YAP1: variants seen among roughly 807,000 people sequenced by gnomAD.
YAP1 encodes transcriptional coactivator YAP1.
Under a neutral mutation model 56.9 loss-of-function variants are expected in YAP1, and 5 were observed. The ratio of observed to expected loss-of-function variants is 0.09; its 90% CI spans 0.05 to 0.18. YAP1 has a LOEUF of 0.18. Among genes scored for constraint, YAP1 ranks in the 10% least tolerant of loss-of-function variants. YAP1 has a pLI of 1.00. For missense variants in YAP1, 539 were observed against 651.8 expected (o/e 0.83, Z 1.88); for synonymous variants, 265 against 248.1 (o/e 1.07, Z -0.64).
intron 4 of YAP1, among the ~76,000 whole-genome samples, chr11:102,198,229 C>T (rs772150591): frequency 7.9e-5 from 12 of 152,052 alleles, no homozygotes; most frequent in South Asian, 4.1e-4. Flanking sequence ...TTTCCTGTTC[C>T]GTGGTTTTGA....
At chr11:102,150,138 C>G (rs1449078599) in intron 2 of YAP1, among the ~76,000 whole-genome samples, 1 of 151,824 alleles carries the variant, frequency 6.6e-6, no homozygotes, top group Non-Finnish European at 1.5e-5. Flanking sequence ...GCATGTGCCA[C>G]CATGCCTGGC....
chr11:102,134,146 T>C (rs1047105520), intron 2 of YAP1, among the ~76,000 whole-genome samples: 28 of 152,196 alleles, frequency 1.8e-4, no homozygotes, highest in African/African-American at 6.8e-4. Flanking sequence ...AACACTGTTT[T>C]AACTGAAAAG....
At chr11:102,211,764 C>T (rs1007328717) in intron 6 of YAP1, among the ~76,000 whole-genome samples, 43 of 151,408 alleles carry the variant, frequency 2.8e-4, no homozygotes, top group Non-Finnish European at 5.0e-4. Context: ...AGTGCAGTGG[C>T]GCAATCTCAG....
At chr11:102,143,122 C>A (rs1945113588) in intron 2 of YAP1, among the ~76,000 whole-genome samples, 1 of 152,136 alleles carries the variant, frequency 6.6e-6, no homozygotes, top group Non-Finnish European at 1.5e-5. Flanking sequence ...CTCTCTGCAA[C>A]CATTAAAAGG....
intron 6 of YAP1, among the ~76,000 whole-genome samples, chr11:102,216,687 G>A (rs1037153238): frequency 6.6e-6 from 1 of 152,152 alleles, no homozygotes; most frequent in African/African-American, 2.4e-5. Context: ...TCTCTAAGAA[G>A]TTTTTGGATT....
At chr11:102,161,053 CTTTTTTTTTTTTTTTTTT>C (rs67023819) in intron 2 of YAP1, among the ~76,000 whole-genome samples, 1 of 75,492 alleles carries the variant, frequency 1.3e-5, no homozygotes, top group South Asian at 5.4e-4. Context: ...TAATTTCTTT[CTTTTTTTTTTTTTTTTTT>C]TTTTTTTGAG....
intron 2 of YAP1, among the ~76,000 whole-genome samples, chr11:102,136,877 C>A (rs1944705723): frequency 6.6e-6 from 1 of 152,170 alleles, no homozygotes; most frequent in Non-Finnish European, 1.5e-5. Flanking sequence ...GTGTCAGTAG[C>A]ACTGTCTTAA....
intron 2 of YAP1, among the ~76,000 whole-genome samples, chr11:102,161,357 C>T (rs1020252573): frequency 3.3e-5 from 5 of 150,808 alleles, no homozygotes; most frequent in East Asian, 1.9e-4. Context: ...CACACACACA[C>T]ACACACACAC....
Position 102,114,225 on chromosome 11 carries a change from G to A in YAP1, c.403G>A (p.Gly135Arg). ...AHSSPASLQL[G>R]AVSPGTLTPT... is the part of the protein sequence containing the mutation. ...TTCCTCTCCAGCTTCTCTGCAGTTG[G>A]GAGCTGTTTCTCCTGGGACACTGAC... Residue 135 changes from glycine (G) to arginine (R), a missense_variant, in exon 2 of 9, where the codon GGA (glycine) becomes AGA (arginine). Gly to Arg is a moderately radical substitution (Grantham distance 125, BLOSUM62 -2). Coordinates refer to ENST00000282441, the MANE Select transcript of YAP1 (RefSeq NM_001130145.3). 1 of 1,613,980 alleles carries A rather than the reference G, an allele frequency of 6.2e-7. No individual in the cohort carries two copies. The highest frequency in any genetic ancestry group is 2.2e-5 in the East Asian group (1 of 44,878).
At chr11:102,197,325 A>G (rs1948622171) in intron 4 of YAP1, among the ~76,000 whole-genome samples, 1 of 152,314 alleles carries the variant, frequency 6.6e-6, no homozygotes, top group East Asian at 1.9e-4. Flanking sequence ...AGAATCGTTT[A>G]TTATTGTAAA....
At chr11:102,187,510 A>G (rs1948037813) in intron 4 of YAP1, among the ~76,000 whole-genome samples, 1 of 152,224 alleles carries the variant, frequency 6.6e-6, no homozygotes, top group African/African-American at 2.4e-5. Flanking sequence ...TGGAACAATA[A>G]CAGCCATGTT....
intron 3 of YAP1, among the ~76,000 whole-genome samples, chr11:102,165,753 T>C (rs4420227): frequency 0.49 from 74,403 of 152,060 alleles, 18,675 homozygotes; most frequent in East Asian, 0.63. Context: ...CTTCACTGTA[T>C]GTTAACCAGG....
chr11:102,220,856 G>A (rs1182694582), intron 6 of YAP1, among the ~76,000 whole-genome samples: 1 of 152,192 alleles, frequency 6.6e-6, no homozygotes, highest in African/African-American at 2.4e-5. Flanking sequence ...CGGTGTAAAG[G>A]CGATCCCGGC....
At position 102,229,994 on chromosome 11, in the gene YAP1, C is replaced by T. The variant is rs577368181; in HGVS notation, c.*54C>T. ...TGTGAAGGATCTAAGGAGACACATG[C>T]ACCGGAAATTTCCATAAGCCAGTTG... On this transcript the variant is annotated 3_prime_UTR_variant, in exon 9 of 9. Coordinates refer to ENST00000282441, the MANE Select transcript of YAP1 (RefSeq NM_001130145.3). The T allele has an allele frequency of 1.1e-5, 16 of 1,495,084 alleles. No individual in the cohort carries two copies. The East Asian group carries it at 3.6e-4, about 34-fold the overall frequency. The allele number at this position is 1,495,084 out of a possible 1,614,324, so 92.6% of individuals were successfully genotyped here.
At chr11:102,162,414 C>G (rs2135401156) in intron 2 of YAP1, 42 bp from the exon 3 acceptor site, 2 of 1,557,922 alleles carry the variant, frequency 1.3e-6, no homozygotes, top group East Asian at 4.5e-5. Flanking sequence ...GTTTTTGGAA[C>G]CTGGTATTTG....
In YAP1 at chr11:102,231,714, T is replaced by A. The variant is rs1950439791; in HGVS notation, c.*1774T>A. The A allele has an allele frequency of 1.3e-5, 2 of 152,638 alleles. No homozygotes were observed. Among genetic ancestry groups the A allele is most frequent in the Admixed American group, 6.5e-5 (1 of 15,280 alleles). The allele number at this position is 152,638 out of a possible 1,614,324, so 9.5% of individuals were successfully genotyped here. ...GTGGCACCAGCTAGCACCTCTGTGTTTTAAGGGTCTTTCAATGTTTCTAGA... is the reference window on the plus strand; with the variant it reads ...GTGGCACCAGCTAGCACCTCTGTGTATTAAGGGTCTTTCAATGTTTCTAGA... On this transcript the variant is annotated 3_prime_UTR_variant, in exon 9 of 9. Transcript: ENST00000282441.
intron 2 of YAP1, among the ~76,000 whole-genome samples, chr11:102,127,935 G>A (rs1281922735): frequency 6.6e-6 from 1 of 152,164 alleles, no homozygotes; most frequent in African/African-American, 2.4e-5. Flanking sequence ...GGACTCGCAT[G>A]GGCCCTGTAA....
In YAP1 at chr11:102,232,570, C is replaced by T. The variant is rs1423310250; in HGVS notation, c.*2630C>T. 1 of 152,566 alleles carries T rather than the reference C, an allele frequency of 6.6e-6. No homozygotes were observed. Among genetic ancestry groups the T allele is most frequent in the Non-Finnish European group, 1.5e-5 (1 of 68,042 alleles). 9.5% of individuals were successfully genotyped at this position (152,566 alleles called of 1,614,324 possible). On this transcript the variant is annotated 3_prime_UTR_variant, in exon 9 of 9. Transcript: ENST00000282441. ...CCTGAAGGAGACCTAAGAGTCCTTT[C>T]CCTTTTTGAGTTTGAATCATAGCCT...
At chr11:102,210,629 AG>A (rs1949353987) in intron 6 of YAP1, among the ~76,000 whole-genome samples, 1 of 152,232 alleles carries the variant, frequency 6.6e-6, no homozygotes, top group South Asian at 2.1e-4. Context: ...TCTTATGATG[AG>A]GGGGCACTAA....
Sources: allele counts gnomAD v4.1 joint callset (sites outside exome capture counted in the v4.1 genomes callset), GRCh38; gene constraint gnomAD v4.1.1; transcripts MANE v1.5; gene names NCBI Gene and HGNC (gene_info 2026-07-23, HGNC 2026-07-21).